FBXW11: variants seen among roughly 807,000 people sequenced by gnomAD.
FBXW11 encodes the protein F-box and WD repeat domain containing 11.
FBXW11 carries 19 observed loss-of-function variants against 77.6 expected under a neutral mutation model. The observed-to-expected ratio is 0.24, with a 90% confidence interval of 0.17 to 0.36. FBXW11 has a LOEUF of 0.36. Among genes scored for constraint, FBXW11 ranks in the 10% least tolerant of loss-of-function variants. The probability of loss-of-function intolerance (pLI) is 1.00; values close to 1 mark genes in which losing one functional copy is unlikely to be tolerated. For synonymous variants in FBXW11, 235 were observed against 249.4 expected, an observed-to-expected ratio of 0.94 and a Z score of 0.54; for missense variants, 334 against 704.2, an observed-to-expected ratio of 0.47 and a Z score of 5.95.
chr5:171,909,971 T>G (rs1322826752), intron 4 of FBXW11, among the ~76,000 whole-genome samples: 1 of 151,848 alleles, frequency 6.6e-6, no homozygotes, highest in Non-Finnish European at 1.5e-5. Flanking sequence ...AAAGGCAAAG[T>G]GCAGACTCTA....
rs2113749902 is a variant in FBXW11 at position 171,869,603 on chromosome 5, ACTGAAATTCT to A, written c.1530+116_1530+125del. The A allele has an allele frequency of 3.4e-6, 2 of 591,794 alleles. No homozygotes were observed. The highest frequency in any genetic ancestry group is 5.7e-5 in the South Asian group (2 of 35,330). 36.7% of individuals were successfully genotyped at this position (591,794 alleles called of 1,614,324 possible). On this transcript the variant is annotated intron_variant, in intron 12 of 13. Coordinates refer to ENST00000517395, the MANE Select transcript of FBXW11 (RefSeq NM_001378974.1). This position sits in a 1 kb window ranked among gnomAD's most constrained non-coding sequence, Gnocchi z 4.1. ...CTGGTTTTGGCTAAACAAAATGAAG[ACTGAAATTCT>A]CTGAAGGCATCTTGTGAGACACACA...
intron 1 of FBXW11, among the ~76,000 whole-genome samples, chr5:171,958,497 A>G (rs1191532624): frequency 2.0e-5 from 3 of 152,210 alleles, no homozygotes; most frequent in Non-Finnish European, 4.4e-5. Flanking sequence ...TTCCCAAAGG[A>G]AAAACATTGG....
intron 4 of FBXW11, among the ~76,000 whole-genome samples, chr5:171,907,976 C>A (rs772706184): frequency 1.3e-5 from 2 of 152,068 alleles, no homozygotes; most frequent in Non-Finnish European, 2.9e-5. Flanking sequence ...GTTTGAGAAG[C>A]AAATTACAGG....
chr5:171,927,555 A>G (rs1017398969), intron 2 of FBXW11, among the ~76,000 whole-genome samples: 1 of 152,210 alleles, frequency 6.6e-6, no homozygotes, highest in South Asian at 2.1e-4. Flanking sequence ...CCACCTAGGG[A>G]TGACCACTGG....
chr5:171,906,076 CTG>C (rs2113908961), intron 4 of FBXW11, among the ~76,000 whole-genome samples: 1 of 152,338 alleles, frequency 6.6e-6, no homozygotes, highest in Non-Finnish European at 1.5e-5. Flanking sequence ...GTAAATAACA[CTG>C]TATCAAAACT....
At chr5:171,887,443 G>C (rs1758986845) in intron 7 of FBXW11, among the ~76,000 whole-genome samples, 1 of 149,144 alleles carries the variant, frequency 6.7e-6, no homozygotes, top group Non-Finnish European at 1.5e-5. Context: ...ACCCAAAATA[G>C]AACAATAACA....
intron 1 of FBXW11, among the ~76,000 whole-genome samples, chr5:171,967,315 A>T (rs1449386081): frequency 6.6e-6 from 1 of 152,256 alleles, no homozygotes; most frequent in African/African-American, 2.4e-5. Flanking sequence ...TAGCAAAGGG[A>T]AAATGCTAAC....
intron 1 of FBXW11, among the ~76,000 whole-genome samples, chr5:171,982,982 A>T (rs973580073): frequency 2.0e-5 from 3 of 152,164 alleles, no homozygotes; most frequent in Non-Finnish European, 4.4e-5. Flanking sequence ...CAGGTGGATC[A>T]GTTGAGCCCA....
intron 1 of FBXW11, among the ~76,000 whole-genome samples, chr5:172,003,775 T>C (rs1398935236): frequency 6.6e-6 from 1 of 152,122 alleles, no homozygotes; most frequent in Non-Finnish European, 1.5e-5. Flanking sequence ...AATATACTTA[T>C]CAAAAATGCA....
chr5:172,002,288 G>A (rs1766454174), intron 1 of FBXW11, among the ~76,000 whole-genome samples: 1 of 152,152 alleles, frequency 6.6e-6, no homozygotes, highest in Non-Finnish European at 1.5e-5. Context: ...CTTGTGTGCA[G>A]GAACATGTTT....
rs953913727 is a variant in FBXW11 at position 171,992,178 on chromosome 5, C to G, written c.45+14280G>C. Among the ~76,000 whole-genome samples, 3 of 151,238 alleles carry G rather than the reference C, an allele frequency of 2.0e-5. 1 individual carries two copies. Among genetic ancestry groups the G allele is most frequent in the African/African-American group, 4.9e-5 (2 of 41,148 alleles). On this transcript the variant is annotated intron_variant, in intron 1 of 13. Coordinates refer to ENST00000517395, the MANE Select transcript of FBXW11 (RefSeq NM_001378974.1). ...GATGCGGTGGCTCATGCCTGTAATC[C>G]CAGCACTTTTGGAGGCCAAGGCAGG...
At chr5:171,962,412 C>A (rs1763959789) in intron 1 of FBXW11, among the ~76,000 whole-genome samples, 1 of 152,064 alleles carries the variant, frequency 6.6e-6, no homozygotes, top group Non-Finnish European at 1.5e-5. Context: ...GGGTTGTTCA[C>A]AGAGAACAGG....
intron 2 of FBXW11, among the ~76,000 whole-genome samples, chr5:171,952,852 A>AT (rs369759578): frequency 2.0e-5 from 3 of 151,334 alleles, no homozygotes; most frequent in South Asian, 2.1e-4. Context: ...ATATTATGAG[A>AT]TTTTTTTTCT....
intron 1 of FBXW11, among the ~76,000 whole-genome samples, chr5:171,972,212 T>G (rs951494489): frequency 6.6e-6 from 1 of 150,808 alleles, no homozygotes; most frequent in South Asian, 2.1e-4. Flanking sequence ...TCTGGACAGC[T>G]CACACCTGTA....
intron 1 of FBXW11, among the ~76,000 whole-genome samples, chr5:171,962,411 A>C (rs1358967033): frequency 6.6e-6 from 1 of 152,208 alleles, no homozygotes; most frequent in East Asian, 1.9e-4. Context: ...AGGGTTGTTC[A>C]CAGAGAACAG....
intron 13 of FBXW11, among the ~76,000 whole-genome samples, chr5:171,864,693 T>C (rs1366052492): frequency 1.3e-5 from 2 of 152,214 alleles, no homozygotes; most frequent in African/African-American, 2.4e-5. Context: ...GGCCACTGAA[T>C]GTTCCATAAT....
At chr5:171,940,878 T>A (rs867943319) in intron 2 of FBXW11, among the ~76,000 whole-genome samples, 8 of 62,872 alleles carry the variant, frequency 1.3e-4, no homozygotes, top group African/African-American at 3.4e-4. Context: ...AGAGCAAGAC[T>A]CCGTCTCAAA....
chr5:171,972,753 C>T (rs1279166344), intron 1 of FBXW11, among the ~76,000 whole-genome samples: 1 of 152,032 alleles, frequency 6.6e-6, no homozygotes, highest in Admixed American at 6.5e-5. Context: ...CCATGTTGGC[C>T]AGGCTGGTCT....
At chr5:171,900,635 C>T (rs941269633) in intron 4 of FBXW11, among the ~76,000 whole-genome samples, 1 of 152,110 alleles carries the variant, frequency 6.6e-6, no homozygotes, top group Non-Finnish European at 1.5e-5. Flanking sequence ...GGCAAAACAC[C>T]GACTCATCTT....
Sources: allele counts gnomAD v4.1 joint callset (sites outside exome capture counted in the v4.1 genomes callset), GRCh38; gene constraint gnomAD v4.1.1; non-coding constraint Gnocchi (gnomAD v3.1); transcripts MANE v1.5; gene names NCBI Gene and HGNC (gene_info 2026-07-23, HGNC 2026-07-21).